TMEM243: variants seen among roughly 807,000 people sequenced by gnomAD.
TMEM243 encodes the protein transmembrane protein 243, also known as MDR1 and mitochondrial taxol resistance associated.
Under a neutral mutation model 15.0 loss-of-function variants are expected in TMEM243, and 20 were observed. That is an observed-to-expected ratio of 1.33 (90% CI 0.94 to 1.93). The LOEUF (loss-of-function observed/expected upper bound fraction) is 1.93, where lower values mean the gene tolerates loss of function less well. TMEM243 is among the 30% of genes most tolerant of loss of function. TMEM243 has a pLI of 0.00. For missense variants in TMEM243, 156 were observed against 142.1 expected (o/e 1.10, Z -0.50); for synonymous variants, 72 against 52.7 (o/e 1.37, Z -1.59).
intron 3 of TMEM243, 91 bp downstream of exon 3, chr7:87,197,850 C>CT (rs1310181625): frequency 1.3e-6 from 2 of 1,593,706 alleles, no homozygotes; most frequent in Admixed American, 3.4e-5. Flanking sequence ...AAGAGATACC[C>CT]TTTTGTATAG....
intron 1 of TMEM243, among the ~76,000 whole-genome samples, chr7:87,209,738 G>GAGAGCGAGACAC (rs1479330100): frequency 4.1e-5 from 6 of 145,836 alleles, no homozygotes; most frequent in East Asian, 2.0e-4. Flanking sequence ...GAGACACAGT[G>GAGAGCGAGACAC]AGAGCGAGAC....
intron 1 of TMEM243, among the ~76,000 whole-genome samples, chr7:87,203,624 A>T (rs1383027059): frequency 6.6e-6 from 1 of 151,366 alleles, no homozygotes; most frequent in Non-Finnish European, 1.5e-5. Context: ...AAAAAAAAAA[A>T]TTGTCTTAAA....
Position 87,203,578 on chromosome 7 carries a change from G to A in TMEM243, c.79-4521C>T, listed in dbSNP as rs113007950. ...TGCAGTGAGCAAGGATCACGCCACTGCACTCCAGCCTGGACAGAATGAGAA... is the reference window on the plus strand; with the variant it reads ...TGCAGTGAGCAAGGATCACGCCACTACACTCCAGCCTGGACAGAATGAGAA... On this transcript the variant is annotated intron_variant, in intron 1 of 3. Coordinates refer to ENST00000257637, the MANE Select transcript of TMEM243 (RefSeq NM_024315.4). Among the ~76,000 whole-genome samples, 871 of 150,698 alleles carry A rather than the reference G, an allele frequency of 5.8e-3. 7 individuals carry two copies. Among genetic ancestry groups the A allele is most frequent in the African/African-American group, 0.019 (796 of 40,844 alleles).
At chr7:87,210,082 C>T (rs372656743) in intron 1 of TMEM243, among the ~76,000 whole-genome samples, 1 of 110,148 alleles carries the variant, frequency 9.1e-6, no homozygotes, top group East Asian at 2.7e-4. Context: ...AGGGCGGGAG[C>T]GGGGAAGCGT....
intron 1 of TMEM243, among the ~76,000 whole-genome samples, chr7:87,215,420 A>T (rs1473629363): frequency 6.6e-6 from 1 of 152,178 alleles, no homozygotes; most frequent in African/African-American, 2.4e-5. Context: ...TTTTTTTTAA[A>T]TATTGATTAT....
chr7:87,215,359 C>T (rs980342172), intron 1 of TMEM243, among the ~76,000 whole-genome samples: 1 of 152,138 alleles, frequency 6.6e-6, no homozygotes, highest in Admixed American at 6.5e-5. Flanking sequence ...CCACCTCAGC[C>T]TCCCAAAGTG....
At chr7:87,211,320 A>C (rs1004420789) in intron 1 of TMEM243, among the ~76,000 whole-genome samples, 1 of 152,206 alleles carries the variant, frequency 6.6e-6, no homozygotes. Flanking sequence ...AGGCCACTGA[A>C]GACAGTGATT....
intron 1 of TMEM243, among the ~76,000 whole-genome samples, chr7:87,213,515 A>G (rs1802902424): frequency 6.6e-6 from 1 of 152,240 alleles, no homozygotes; most frequent in African/African-American, 2.4e-5. Context: ...TAGCATTGGT[A>G]GCTCTAAGAC....
intron 1 of TMEM243, among the ~76,000 whole-genome samples, chr7:87,218,923 T>A (rs752893407): frequency 7.2e-5 from 11 of 152,196 alleles, no homozygotes; most frequent in Non-Finnish European, 1.6e-4. Context: ...GATCACTTCC[T>A]GGAATGGAGG....
chr7:87,205,739 C>G (rs915195049), intron 1 of TMEM243, among the ~76,000 whole-genome samples: 13 of 152,168 alleles, frequency 8.5e-5, no homozygotes, highest in African/African-American at 2.9e-4. Flanking sequence ...CAACAAGTCT[C>G]TAGGAAGGAA....
chr7:87,219,792 C>T (rs1037402777), upstream of TMEM243: 7 of 448,460 alleles, frequency 1.6e-5, no homozygotes, highest in East Asian at 4.4e-5. Flanking sequence ...CGGGCAGCTC[C>T]CACTTCCTCA....
chr7:87,196,621 T>C lies in TMEM243; in HGVS notation c.*15A>G, dbSNP rs1801266605. 6.2e-7 allele frequency: 1 copy of C among 1,607,206 alleles called. No homozygotes were observed. The highest frequency in any genetic ancestry group is 1.3e-5 in the African/African-American group (1 of 74,418). On this transcript the variant is annotated 3_prime_UTR_variant, in exon 4 of 4. Transcript: ENST00000257637. ...CATTTTGAAGAGTCCTGGTAAGTAC[T>C]TCTCCTTGGCAGCCTCACCTTCCCA...
intron 1 of TMEM243, among the ~76,000 whole-genome samples, chr7:87,205,338 A>G (rs1199975822): frequency 3.4e-5 from 5 of 148,190 alleles, no homozygotes; most frequent in African/African-American, 9.9e-5. Flanking sequence ...ATTTCTCCTC[A>G]GGATTTTTTT....
At chr7:87,196,871 A>G in intron 3 of TMEM243, 113 bp from the exon 4 acceptor site, 2 of 724,142 alleles carry the variant, frequency 2.8e-6, no homozygotes, top group Admixed American at 3.1e-5. Context: ...GACATTCTCC[A>G]TATTCTGAGG....
At chr7:87,198,803 A>T in intron 2 of TMEM243, 4 of 486,612 alleles carry the variant, frequency 8.2e-6, no homozygotes. Flanking sequence ...TTATCTTAAA[A>T]CGAAGTTGTC....
chr7:87,214,472 A>G (rs988970094), intron 1 of TMEM243, among the ~76,000 whole-genome samples: 7 of 152,208 alleles, frequency 4.6e-5, no homozygotes, highest in African/African-American at 1.7e-4. Context: ...CCCAAAGTAT[A>G]TTCTGCAGAA....
intron 3 of TMEM243, chr7:87,197,635 G>A (rs1247385987): frequency 2.0e-6 from 2 of 1,020,752 alleles, no homozygotes; most frequent in Admixed American, 3.5e-5. Context: ...TAGTCCTTGA[G>A]TGAAGATGAA....
chr7:87,213,630 C>G (rs1274684754), intron 1 of TMEM243, among the ~76,000 whole-genome samples: 2 of 152,184 alleles, frequency 1.3e-5, no homozygotes, highest in Non-Finnish European at 2.9e-5. Context: ...CCCTACTGAT[C>G]CTTGTTCTTA....
intron 1 of TMEM243, chr7:87,216,599 T>C (rs1231242459): frequency 1.3e-5 from 2 of 152,222 alleles, no homozygotes; most frequent in Non-Finnish European, 2.9e-5. Context: ...TTTCAGTAAC[T>C]GAAATCACTA....
Sources: allele counts gnomAD v4.1 joint callset (sites outside exome capture counted in the v4.1 genomes callset), GRCh38; gene constraint gnomAD v4.1.1; transcripts MANE v1.5; gene names NCBI Gene and HGNC (gene_info 2026-07-23, HGNC 2026-07-21).